Variants in VIT observed in about 807,000 individuals in gnomAD.
VIT encodes the protein vitrin.
VIT carries 99 observed loss-of-function variants against 78.0 expected under a neutral mutation model. The ratio of observed to expected loss-of-function variants is 1.27; its 90% CI spans 1.08 to 1.50. The LOEUF (loss-of-function observed/expected upper bound fraction) is 1.50. Among genes scored for constraint, VIT ranks in the 40% most tolerant of loss-of-function variants. VIT has a pLI of 0.00. For missense variants in VIT, 1,126 were observed against 875.3 expected (o/e 1.29, Z -3.61); for synonymous variants, 374 against 334.3 (o/e 1.12, Z -1.29).
intron 1 of VIT, among the ~76,000 whole-genome samples, chr2:36,708,934 G>A (rs1665624445): frequency 6.6e-6 from 1 of 152,182 alleles, no homozygotes; most frequent in Non-Finnish European, 1.5e-5. Context: ...CAGATCACCT[G>A]AAGTCAGAAG....
chr2:36,722,200 A>G (rs1467392904), intron 2 of VIT, among the ~76,000 whole-genome samples: 1 of 152,192 alleles, frequency 6.6e-6, no homozygotes, highest in East Asian at 1.9e-4. Flanking sequence ...AGAGTTTTAT[A>G]CTGCTCATTG....
chr2:36,750,273 A>T (rs896553056), intron 4 of VIT, among the ~76,000 whole-genome samples: 1 of 152,232 alleles, frequency 6.6e-6, no homozygotes. Flanking sequence ...TGCCTCCCAC[A>T]CATACTTCCA....
intron 1 of VIT, among the ~76,000 whole-genome samples, chr2:36,706,785 G>A (rs10196397): frequency 0.055 from 8,350 of 152,278 alleles, 321 homozygotes; most frequent in Non-Finnish European, 0.08. Flanking sequence ...ACCAGGCTTT[G>A]AAAAGTGAAA....
chr2:36,777,594 C>T (rs559440827), intron 9 of VIT, among the ~76,000 whole-genome samples: 1 of 152,288 alleles, frequency 6.6e-6, no homozygotes, highest in South Asian at 2.1e-4. Context: ...ACCACTGGCT[C>T]ATCTCCTACT....
intron 5 of VIT, among the ~76,000 whole-genome samples, chr2:36,755,992 T>C (rs981418915): frequency 1.4e-5 from 2 of 144,738 alleles, no homozygotes; most frequent in Admixed American, 6.9e-5. Flanking sequence ...AGTTTCAATC[T>C]TGTTGCCCAG....
chr2:36,744,647 C>A (rs1468155570), intron 4 of VIT, among the ~76,000 whole-genome samples: 3 of 152,002 alleles, frequency 2.0e-5, no homozygotes, highest in Non-Finnish European at 4.4e-5. Context: ...TGTTTGTGTC[C>A]TTTGCCCACT....
intron 1 of VIT, among the ~76,000 whole-genome samples, chr2:36,704,378 T>C (rs1345508250): frequency 6.6e-6 from 1 of 152,184 alleles, no homozygotes; most frequent in Non-Finnish European, 1.5e-5. Flanking sequence ...TAAATGATAG[T>C]TATTACTATG....
chr2:36,781,757 T>A lies in VIT; in HGVS notation c.833T>A (p.Val278Asp). 1 of 1,614,182 alleles carries A rather than the reference T, an allele frequency of 6.2e-7. No individual in the cohort carries two copies. Among genetic ancestry groups the A allele is most frequent in the Non-Finnish European group, 8.5e-7 (1 of 1,180,028 alleles). ...ATGGACTCATGGAAACCTGGATCGG[T>A]CCTTTTAGATGAAGGTAATTATACA... Reference protein sequence around the residue: ...GEMDSWKPGSVLLDEGLVPKE... With the variant: ...GEMDSWKPGSDLLDEGLVPKE... The change falls in exon 10 of 16, where the codon GTC becomes GAC. Residue 278 changes from valine (V) to aspartate (D), a missense_variant. Val to Asp is a radical substitution (Grantham distance 152). Transcript: ENST00000379242.
At chr2:36,751,043 C>T (rs1157152876) in intron 4 of VIT, among the ~76,000 whole-genome samples, 5 of 151,558 alleles carry the variant, frequency 3.3e-5, no homozygotes, top group South Asian at 2.1e-4. Context: ...GAAGATCACC[C>T]GAGGTCAGGA....
At chr2:36,778,107 C>G (rs1382312936) in intron 9 of VIT, among the ~76,000 whole-genome samples, 2 of 152,174 alleles carry the variant, frequency 1.3e-5, no homozygotes, top group Non-Finnish European at 2.9e-5. Flanking sequence ...TGAAGGGGAT[C>G]TGTTATTTAA....
At chr2:36,706,048 A>T (rs1015574933) in intron 1 of VIT, among the ~76,000 whole-genome samples, 5 of 152,206 alleles carry the variant, frequency 3.3e-5, no homozygotes, top group African/African-American at 1.2e-4. Flanking sequence ...TCATAAATAT[A>T]TGAGGAAACT....
At position 36,763,703 on chromosome 2, in the gene VIT, C is replaced by T. The variant is rs1004449953; in HGVS notation, c.488-3391C>T. On this transcript the variant is annotated intron_variant, in intron 6 of 15. Transcript: ENST00000379242. ...CTCCCGGGTTCAAGCCATTCTCCTG[C>T]CTCAGCCTCTGGAGTAACTAGGATT... is the stretch of plus-strand genomic sequence containing the variant. 3.3e-5 allele frequency among the ~76,000 whole-genome samples: 5 copies of T among 150,744 alleles called. No individual in the cohort carries two copies. The Admixed American group carries it at 3.3e-4, about 10-fold the overall frequency.
intron 12 of VIT, among the ~76,000 whole-genome samples, chr2:36,793,031 T>A (rs1665616431): frequency 1.3e-5 from 2 of 151,900 alleles, no homozygotes; most frequent in Admixed American, 1.3e-4. Context: ...TTCTACAGAG[T>A]CAGACTCTAC....
intron 9 of VIT, among the ~76,000 whole-genome samples, chr2:36,776,864 C>T (rs1374313722): frequency 1.3e-5 from 2 of 151,772 alleles, no homozygotes; most frequent in Admixed American, 6.6e-5. Flanking sequence ...CCAAGGAGGG[C>T]AGATCACGAG....
chr2:36,794,667 C>T (rs1325240510), intron 12 of VIT, among the ~76,000 whole-genome samples: 3 of 152,258 alleles, frequency 2.0e-5, no homozygotes, highest in East Asian at 1.9e-4. Flanking sequence ...GGTTTGATTA[C>T]GTTTGCCTTT....
At chr2:36,755,255 A>C (rs961124144) in intron 5 of VIT, among the ~76,000 whole-genome samples, 1 of 152,344 alleles carries the variant, frequency 6.6e-6, no homozygotes, top group Non-Finnish European at 1.5e-5. Flanking sequence ...GAAAATACTA[A>C]AAGGCTCCAC....
chr2:36,730,632 C>A (rs13010662), intron 3 of VIT, among the ~76,000 whole-genome samples: 3 of 152,364 alleles, frequency 2.0e-5, no homozygotes, highest in African/African-American at 2.4e-5. Context: ...CATTGGCATG[C>A]CCCAGCTCAC....
rs144001554 is a variant in VIT, at chr2:36,809,615, G to A, written c.1903+630G>A. 2.8e-3 allele frequency among the ~76,000 whole-genome samples: 427 copies of A among 152,106 alleles called. 3 individuals carry two copies. The highest frequency in any genetic ancestry group is 6.8e-3 in the Middle Eastern group (2 of 294). The stretch of plus-strand genomic sequence containing the variant: ...GTATTTTTAGTAGAGATGGGATTTC[G>A]CCATGTTGGTCACGATGGTCTCGAA... On this transcript the variant is annotated intron_variant, in intron 15 of 15. Transcript: ENST00000379242.
At chr2:36,804,945 C>G (rs929275060) in intron 13 of VIT, among the ~76,000 whole-genome samples, 13 of 152,166 alleles carry the variant, frequency 8.5e-5, no homozygotes, top group African/African-American at 3.1e-4. Flanking sequence ...GTGGTAACGG[C>G]TGCACATTGT....
Sources: gnomAD v4.1 joint callset for allele counts (sites outside exome capture counted in the v4.1 genomes callset) on GRCh38, gnomAD v4.1.1 for gene constraint, MANE v1.5 for transcripts, NCBI Gene and HGNC (gene_info 2026-07-23, HGNC 2026-07-21) for gene names.